The following CNTNAP2 variants were observed in gnomAD, a reference collection of about 807,000 sequenced individuals.
CNTNAP2 encodes contactin associated protein 2.
In CNTNAP2, 98 loss-of-function variants were observed where a neutral mutation model predicts 155.2. The observed-to-expected ratio is 0.63, with a 90% confidence interval of 0.54 to 0.75. The LOEUF is 0.75. Among genes scored for constraint, CNTNAP2 ranks in the 30% least tolerant of loss-of-function variants. The pLI, the probability that CNTNAP2 is intolerant of heterozygous loss-of-function variation, is 0.00. For synonymous variants in CNTNAP2, 651 were observed against 631.2 expected, an observed-to-expected ratio of 1.03 and a Z score of -0.47; for missense variants, 1,727 against 1,688.1, an observed-to-expected ratio of 1.02 and a Z score of -0.40.
At chr7:148,217,924 AGACCAGCCT>A (rs1339131060) in intron 19 of CNTNAP2, among the ~76,000 whole-genome samples, 1 of 152,254 alleles carries the variant, frequency 6.6e-6, no homozygotes, top group Non-Finnish European at 1.5e-5. Flanking sequence ...CAAGAATTTG[AGACCAGCCT>A]GGCCAATATG....
rs181545354 is a variant in CNTNAP2 at position 146,594,746 on chromosome 7, A to G, written c.98-179525A>G. ...TTGCGTCCTCTCATCTCACCTACTCATAATAAATGAAGAGAAGATATGTCA... is the reference window on the plus strand; with the variant it reads ...TTGCGTCCTCTCATCTCACCTACTCGTAATAAATGAAGAGAAGATATGTCA... On this transcript the variant is annotated intron_variant, in intron 1 of 23. Coordinates refer to ENST00000361727, the MANE Select transcript of CNTNAP2 (RefSeq NM_014141.6). Among the ~76,000 whole-genome samples, 568 of 152,256 alleles carry G rather than the reference A, an allele frequency of 3.7e-3. 1 individual carries two copies. Among genetic ancestry groups the G allele is most frequent in the Middle Eastern group, 6.8e-3 (2 of 294 alleles).
chr7:147,922,377 G>A (rs1000020796), intron 14 of CNTNAP2, among the ~76,000 whole-genome samples: 1 of 152,132 alleles, frequency 6.6e-6, no homozygotes, highest in Non-Finnish European at 1.5e-5. Context: ...GCCCTCTGAG[G>A]AGTCAAGCCA....
At chr7:147,172,481 A>G (rs1802249197) in intron 8 of CNTNAP2, among the ~76,000 whole-genome samples, 1 of 152,176 alleles carries the variant, frequency 6.6e-6, no homozygotes, top group African/African-American at 2.4e-5. Context: ...AATCATTGCC[A>G]TATACTCACT....
chr7:147,469,024 TG>T (rs1238323581), intron 10 of CNTNAP2, among the ~76,000 whole-genome samples: 4 of 152,080 alleles, frequency 2.6e-5, no homozygotes, highest in Non-Finnish European at 5.9e-5. Flanking sequence ...GGTTTCACCA[TG>T]TTGGACAGAT....
rs1011489642 is a variant in CNTNAP2 at position 146,823,670 on chromosome 7, A to G, written c.209-16041A>G. 2.6e-5 allele frequency among the ~76,000 whole-genome samples: 4 copies of G among 151,822 alleles called. No individual in the cohort carries two copies. The East Asian group carries it at 5.8e-4, about 22-fold the overall frequency. Reference sequence around the variant, plus strand: ...CTTCAGTATATTTAAATATGAGTATACTCATTCTTCAGTATATTTAAATAT... The same window carrying G: ...CTTCAGTATATTTAAATATGAGTATGCTCATTCTTCAGTATATTTAAATAT... On this transcript the variant is annotated intron_variant, in intron 2 of 23. Coordinates refer to ENST00000361727, the MANE Select transcript of CNTNAP2 (RefSeq NM_014141.6).
chr7:147,308,147 A>T (rs1795064554), intron 9 of CNTNAP2, among the ~76,000 whole-genome samples: 1 of 152,132 alleles, frequency 6.6e-6, no homozygotes, highest in Admixed American at 6.5e-5. Flanking sequence ...ACACCATGAG[A>T]AGATGGGAGA....
chr7:146,340,190 AAG>A (rs1777199960), intron 1 of CNTNAP2, among the ~76,000 whole-genome samples: 1 of 148,940 alleles, frequency 6.7e-6, no homozygotes, highest in African/African-American at 2.5e-5. Context: ...AAAAAAAAAA[AAG>A]AAATACATAG....
At chr7:146,854,931 T>C (rs531737472) in intron 3 of CNTNAP2, among the ~76,000 whole-genome samples, 1 of 152,246 alleles carries the variant, frequency 6.6e-6, no homozygotes, top group South Asian at 2.1e-4. Flanking sequence ...TTAATCTTAT[T>C]TTTGTATTAT....
At chr7:146,156,326 T>C (rs1798125333) in intron 1 of CNTNAP2, among the ~76,000 whole-genome samples, 1 of 152,196 alleles carries the variant, frequency 6.6e-6, no homozygotes, top group African/African-American at 2.4e-5. Context: ...TTTTAATGTA[T>C]AAGAGCACAT....
chr7:148,227,037 G>T (rs1466063391), intron 19 of CNTNAP2, among the ~76,000 whole-genome samples: 1 of 152,132 alleles, frequency 6.6e-6, no homozygotes, highest in Non-Finnish European at 1.5e-5. Flanking sequence ...TCAGTAACAG[G>T]ATCACCATGG....
intron 1 of CNTNAP2, among the ~76,000 whole-genome samples, chr7:146,348,678 C>T (rs1033590930): frequency 6.6e-6 from 1 of 151,820 alleles, no homozygotes; most frequent in Non-Finnish European, 1.5e-5. Flanking sequence ...TTTCACTAAA[C>T]ATTTCTGATG....
chr7:148,135,694 G>GA (rs1159610335), intron 16 of CNTNAP2, among the ~76,000 whole-genome samples: 5 of 150,926 alleles, frequency 3.3e-5, no homozygotes, highest in Non-Finnish European at 5.9e-5. Context: ...ACTAAAAATT[G>GA]AAAAAATAGC....
At chr7:147,192,379 A>C (rs916323512) in intron 8 of CNTNAP2, among the ~76,000 whole-genome samples, 11 of 152,072 alleles carry the variant, frequency 7.2e-5, no homozygotes, top group Admixed American at 7.2e-4. Context: ...AATTTTACCC[A>C]AGGACTATAC....
intron 1 of CNTNAP2, among the ~76,000 whole-genome samples, chr7:146,688,039 GAAGTA>G (rs1189973795): frequency 2.0e-5 from 3 of 152,106 alleles, no homozygotes; most frequent in Non-Finnish European, 4.4e-5. Context: ...AAAACAGCTG[GAAGTA>G]AAGATGTCGC....
At chr7:148,348,253 T>G (rs10241862) in intron 21 of CNTNAP2, among the ~76,000 whole-genome samples, 99,776 of 152,034 alleles carry the variant, frequency 0.66, 33,243 homozygotes, top group East Asian at 0.95. Flanking sequence ...GACGTGCTTT[T>G]AGAAAGCAGT....
At chr7:146,214,607 T>G (rs1420719542) in intron 1 of CNTNAP2, among the ~76,000 whole-genome samples, 1 of 152,208 alleles carries the variant, frequency 6.6e-6, no homozygotes, top group Non-Finnish European at 1.5e-5. Context: ...CACTGTTATT[T>G]AAAAGATTCT....
At chr7:147,734,118 T>G (rs1383395349) in intron 13 of CNTNAP2, among the ~76,000 whole-genome samples, 2 of 152,132 alleles carry the variant, frequency 1.3e-5, no homozygotes, top group Non-Finnish European at 2.9e-5. Context: ...ATGCTTCCAG[T>G]TTTTGCCCAT....
intron 3 of CNTNAP2, among the ~76,000 whole-genome samples, chr7:146,931,339 G>T (rs1796753430): frequency 6.6e-6 from 1 of 151,272 alleles, no homozygotes; most frequent in Non-Finnish European, 1.5e-5. Flanking sequence ...AATGACTACT[G>T]GGTACATAAC....
intron 18 of CNTNAP2, among the ~76,000 whole-genome samples, chr7:148,204,913 G>C (rs1188370131): frequency 6.6e-6 from 1 of 152,214 alleles, no homozygotes; most frequent in Non-Finnish European, 1.5e-5. Context: ...GTAAAATAGG[G>C]ATGATGACAT....
Sources: gnomAD v4.1 joint callset for allele counts (sites outside exome capture counted in the v4.1 genomes callset) on GRCh38, gnomAD v4.1.1 for gene constraint, MANE v1.5 for transcripts, NCBI Gene and HGNC (gene_info 2026-07-23, HGNC 2026-07-21) for gene names.